Variants in KIF6 observed in about 807,000 individuals in gnomAD.
KIF6 encodes the protein kinesin family member 6.
In KIF6, 106 loss-of-function variants were observed where a neutral mutation model predicts 112.7. The observed-to-expected ratio is 0.94, with a 90% CI of 0.80 to 1.11. The LOEUF is 1.11. Among genes scored for constraint, KIF6 ranks in the 50% least tolerant of loss-of-function variants. KIF6 has a pLI of 0.00. For synonymous variants in KIF6, 339 were observed against 339.9 expected (o/e 1.00, Z 0.03); for missense variants, 929 against 964.0 (o/e 0.96, Z 0.48).
chr6:39,662,174 G>A (rs1041520461), intron 3 of KIF6, among the ~76,000 whole-genome samples: 1 of 152,098 alleles, frequency 6.6e-6, no homozygotes, highest in African/African-American at 2.4e-5. Flanking sequence ...CCAGATTTGG[G>A]ATATTAAGTG....
intron 13 of KIF6, among the ~76,000 whole-genome samples, chr6:39,485,437 T>C (rs1160811648): frequency 6.6e-6 from 1 of 152,148 alleles, no homozygotes; most frequent in African/African-American, 2.4e-5. Flanking sequence ...GCTTCTTTGA[T>C]TGCTAACCAT....
intron 19 of KIF6, among the ~76,000 whole-genome samples, chr6:39,355,960 A>G (rs1160307667): frequency 6.6e-6 from 1 of 151,208 alleles, no homozygotes; most frequent in Non-Finnish European, 1.5e-5. Flanking sequence ...TAAAGGCCAT[A>G]CTTTACTGGA....
chr6:39,340,058 G>T (rs753810673), intron 22 of KIF6, among the ~76,000 whole-genome samples: 2 of 152,190 alleles, frequency 1.3e-5, no homozygotes, highest in Non-Finnish European at 2.9e-5. Flanking sequence ...GCCCTGATAA[G>T]TGGGCTGCAT....
At chr6:39,486,150 G>A (rs1038487095) in intron 13 of KIF6, among the ~76,000 whole-genome samples, 3 of 152,208 alleles carry the variant, frequency 2.0e-5, no homozygotes, top group African/African-American at 7.2e-5. Context: ...GTTGGCCTGA[G>A]GCTGACTTGA....
chr6:39,430,502 T>C (rs1771074721), intron 14 of KIF6, among the ~76,000 whole-genome samples: 1 of 152,146 alleles, frequency 6.6e-6, no homozygotes. Context: ...TAAAAGAAAT[T>C]ATATACCTCT....
intron 14 of KIF6, among the ~76,000 whole-genome samples, chr6:39,426,895 G>A (rs1770807277): frequency 6.6e-6 from 1 of 152,194 alleles, no homozygotes; most frequent in South Asian, 2.1e-4. Flanking sequence ...CTACATTTGT[G>A]CTTAGAACCT....
rs769616333 is a variant in KIF6 at position 39,596,160 on chromosome 6, T to A, written c.740A>T (p.His247Leu). ...GSATVRHAKL[H>L]LVDLAGSERV... ...CTCTGAACCAGCCAGGTCAACCAGATGGAGTTTGGCATGTCGTACAGTTGC... is the reference window on the plus strand; with the variant it reads ...CTCTGAACCAGCCAGGTCAACCAGAAGGAGTTTGGCATGTCGTACAGTTGC... Residue 247 changes from histidine (H) to leucine (L), a missense_variant, in exon 7 of 23, where the codon CAT (histidine) becomes CTT (leucine). This residue lies in a region of KIF6 where 688 missense variants were observed against 662.7 expected (regional missense o/e 1.04). Coordinates refer to ENST00000287152, the MANE Select transcript of KIF6 (RefSeq NM_145027.6). 6.2e-7 allele frequency: 1 copy of A among 1,614,014 alleles called. No individual in the cohort carries two copies. The highest frequency in any genetic ancestry group is 1.7e-5 in the Admixed American group (1 of 60,000).
intron 15 of KIF6, among the ~76,000 whole-genome samples, chr6:39,399,191 G>A (rs991577353): frequency 6.6e-6 from 1 of 152,132 alleles, no homozygotes; most frequent in African/African-American, 2.4e-5. Flanking sequence ...ACATCCTTTT[G>A]GCTCTGTTTT....
chr6:39,657,421 C>A (rs1785865726), intron 3 of KIF6, among the ~76,000 whole-genome samples: 1 of 151,976 alleles, frequency 6.6e-6, no homozygotes, highest in Admixed American at 6.6e-5. Flanking sequence ...TCATTGCCTG[C>A]ACTCTTGGGG....
At chr6:39,709,821 C>T (rs192432681) in intron 3 of KIF6, among the ~76,000 whole-genome samples, 138 of 152,034 alleles carry the variant, frequency 9.1e-4, no homozygotes, top group African/African-American at 3.2e-3. Context: ...CTAGGAATAG[C>T]GGACATTTCT....
At chr6:39,623,757 C>T (rs1783945139) in intron 5 of KIF6, among the ~76,000 whole-genome samples, 1 of 152,186 alleles carries the variant, frequency 6.6e-6, no homozygotes, top group Admixed American at 6.5e-5. Flanking sequence ...TGGAATCACA[C>T]ATAGGCTAAC....
intron 5 of KIF6, among the ~76,000 whole-genome samples, chr6:39,631,337 G>C (rs1274164258): frequency 1.3e-5 from 2 of 151,898 alleles, no homozygotes; most frequent in African/African-American, 2.4e-5. Flanking sequence ...GAAAAATGGT[G>C]AGAATGGACA....
intron 15 of KIF6, among the ~76,000 whole-genome samples, chr6:39,398,685 A>G (rs1390259309): frequency 6.6e-6 from 1 of 152,242 alleles, no homozygotes; most frequent in Non-Finnish European, 1.5e-5. Flanking sequence ...TCTATTTAGT[A>G]TTCTGTCTTC....
chr6:39,587,254 C>T (rs1781687839), intron 7 of KIF6, among the ~76,000 whole-genome samples: 1 of 152,164 alleles, frequency 6.6e-6, no homozygotes, highest in Non-Finnish European at 1.5e-5. Flanking sequence ...GAATCAGCCA[C>T]CCACAGGATG....
intron 15 of KIF6, among the ~76,000 whole-genome samples, chr6:39,415,312 A>AGG (rs1769833064): frequency 6.6e-6 from 1 of 150,642 alleles, no homozygotes; most frequent in Admixed American, 6.6e-5. Context: ...AAAAAAAAAA[A>AGG]AAAAAAAAAA....
At chr6:39,337,225 TTC>T (rs1491098198) in intron 22 of KIF6, among the ~76,000 whole-genome samples, 1,932 of 111,046 alleles carry the variant, frequency 0.017, 86 homozygotes, top group African/African-American at 0.085. Flanking sequence ...CTTTCTTTCT[TTC>T]TTTCTTTCTT....
At chr6:39,365,715 C>T (rs965315469) in intron 16 of KIF6, among the ~76,000 whole-genome samples, 1 of 152,204 alleles carries the variant, frequency 6.6e-6, no homozygotes, top group Non-Finnish European at 1.5e-5. Context: ...CCTTTTAACA[C>T]TTTTGTCCCC....
chr6:39,395,020 G>C (rs1240762482), intron 15 of KIF6, among the ~76,000 whole-genome samples: 1 of 152,084 alleles, frequency 6.6e-6, no homozygotes, highest in Non-Finnish European at 1.5e-5. Context: ...CAGTAGTCTG[G>C]GCTTTTCAAG....
intron 9 of KIF6, among the ~76,000 whole-genome samples, chr6:39,581,457 G>A (rs111450684): frequency 0.014 from 2,101 of 151,866 alleles, 48 homozygotes; most frequent in African/African-American, 0.048. Flanking sequence ...CGCCCGGCCC[G>A]CTTTACTCAT....
Sources: allele counts gnomAD v4.1 joint callset (sites outside exome capture counted in the v4.1 genomes callset), GRCh38; gene constraint gnomAD v4.1.1; regional missense constraint gnomAD v4.1.1; transcripts MANE v1.5; gene names NCBI Gene and HGNC (gene_info 2026-07-23, HGNC 2026-07-21).